SCN10A: variants seen among roughly 807,000 people sequenced by gnomAD.
SCN10A encodes the protein sodium channel protein type 10 subunit alpha.
In SCN10A, 162 loss-of-function variants were observed where a neutral mutation model predicts 170.7. The observed-to-expected ratio is 0.95, with a 90% CI of 0.84 to 1.08. The LOEUF is 1.08. SCN10A is among the 50% of genes least tolerant of loss of function. The pLI is 0.00. For synonymous variants in SCN10A, 985 were observed against 904.6 expected (o/e 1.09, Z -1.59); for missense variants, 2,527 against 2,436.9 (o/e 1.04, Z -0.78).
Position 38,755,901 on chromosome 3 carries a change from A to T in SCN10A, c.1348T>A (p.Leu450Ile). 6.2e-7 allele frequency: 1 copy of T among 1,614,188 alleles called. No homozygotes were observed. The highest frequency in any genetic ancestry group is 2.2e-5 in the East Asian group (1 of 44,882). ...CTCTCACTGGCATTTTTGGAGGTTA[A>T]AGGTGATCCATTGTGGGAGTGGAGA... ...TSLHSHNGSP[L>I]TSKNASERRH... Residue 450 changes from leucine (L) to isoleucine (I), a missense_variant, in exon 11 of 28, where the codon TTA (leucine) becomes ATA (isoleucine). Leu to Ile is a conservative substitution (Grantham distance 5). Coordinates refer to ENST00000449082, the MANE Select transcript of SCN10A (RefSeq NM_006514.4).
At position 38,698,578 on chromosome 3, in the gene SCN10A, G is replaced by A. The variant is rs758466985; in HGVS notation, c.4658-16C>T. On this transcript the variant is annotated splice_polypyrimidine_tract_variant and intron_variant, in intron 27 of 27. Transcript: ENST00000449082. ...AAAATCAGGCCTTTAAAAGAAGGAA[G>A]AAATTATCTAATTAGTATCTCCAGC... is the stretch of plus-strand genomic sequence containing the variant. The A allele has an allele frequency of 2.5e-6, 4 of 1,604,896 alleles. No individual in the cohort carries two copies. The highest frequency in any genetic ancestry group is 8.5e-7 in the Non-Finnish European group (1 of 1,172,544).
In SCN10A at chr3:38,779,736, T is replaced by C. The variant is rs576596271; in HGVS notation, c.471-8329A>G. On this transcript the variant is annotated intron_variant, in intron 4 of 27. Coordinates refer to ENST00000449082, the MANE Select transcript of SCN10A (RefSeq NM_006514.4). ...TTTATCTTTCCTTCCCTCGAAATTA[T>C]ATAATTTTAGTTTATAGTTTGTCTT... Among the ~76,000 whole-genome samples the C allele has an allele frequency of 3.9e-5, 6 of 152,170 alleles. No individual in the cohort carries two copies. The East Asian group carries it at 9.6e-4, about 24-fold the overall frequency.
chr3:38,755,662 T>G, intron 11 of SCN10A, 126 bp downstream of exon 11: 1 of 1,078,322 alleles, frequency 9.3e-7, no homozygotes, highest in Non-Finnish European at 1.4e-6. Flanking sequence ...TGGAGGGGTG[T>G]CTGGATCCTT....
intron 5 of SCN10A, among the ~76,000 whole-genome samples, chr3:38,769,279 C>T (rs1183769742): frequency 1.0e-5 from 1 of 95,976 alleles, no homozygotes; most frequent in African/African-American, 3.8e-5. Context: ...ACTCTTGTTG[C>T]CCAGGCTGGA....
intron 5 of SCN10A, among the ~76,000 whole-genome samples, chr3:38,764,896 C>T (rs1301318922): frequency 1.3e-5 from 2 of 152,068 alleles, no homozygotes; most frequent in Non-Finnish European, 2.9e-5. Context: ...TGGTTATGGC[C>T]ATTCTTGCAG....
intron 1 of SCN10A, among the ~76,000 whole-genome samples, chr3:38,801,427 A>G (rs530225636): frequency 6.6e-6 from 1 of 152,322 alleles, no homozygotes; most frequent in South Asian, 2.1e-4. Flanking sequence ...TTACTGTGAT[A>G]TAAAGATGTT....
intron 27 of SCN10A, among the ~76,000 whole-genome samples, chr3:38,700,565 GT>G (rs2063145618): frequency 6.6e-6 from 1 of 152,174 alleles, no homozygotes; most frequent in Non-Finnish European, 1.5e-5. Flanking sequence ...ATAAAGTTGT[GT>G]ACATTAAACA....
At chr3:38,720,507 G>A (rs1354842876) in intron 20 of SCN10A, among the ~76,000 whole-genome samples, 1 of 151,692 alleles carries the variant, frequency 6.6e-6, no homozygotes, top group African/African-American at 2.4e-5. Flanking sequence ...TATTTTTTTG[G>A]TACTTTACTT....
chr3:38,727,081 G>T, intron 16 of SCN10A, 29 bp from the exon 17 acceptor site: 2 of 1,582,474 alleles, frequency 1.3e-6, no homozygotes, highest in South Asian at 2.2e-5. Context: ...AGGGAAGATT[G>T]ATCAATCTCT....
At chr3:38,808,462 A>G (rs981459349) in intron 1 of SCN10A, among the ~76,000 whole-genome samples, 1 of 152,218 alleles carries the variant, frequency 6.6e-6, no homozygotes, top group Admixed American at 6.5e-5. Flanking sequence ...CCTATGTTAG[A>G]AAGTAAGCTT....
intron 23 of SCN10A, among the ~76,000 whole-genome samples, chr3:38,711,545 G>A (rs557037295): frequency 2.6e-5 from 4 of 152,180 alleles, no homozygotes; most frequent in African/African-American, 7.2e-5. Context: ...TACCATGCCT[G>A]GCATACCAGA....
intron 17 of SCN10A, among the ~76,000 whole-genome samples, chr3:38,726,237 G>T (rs1221823413): frequency 1.3e-5 from 2 of 152,188 alleles, no homozygotes; most frequent in Non-Finnish European, 2.9e-5. Context: ...GGACTTCTTA[G>T]GATGCTGGTA....
chr3:38,740,843 G>A (rs1181537254), intron 14 of SCN10A, among the ~76,000 whole-genome samples: 2 of 152,100 alleles, frequency 1.3e-5, no homozygotes, highest in African/African-American at 4.8e-5. Flanking sequence ...TCTCTCTCTT[G>A]CTTCCACTTT....
At chr3:38,780,243 T>C (rs1169886975) in intron 4 of SCN10A, among the ~76,000 whole-genome samples, 1 of 152,052 alleles carries the variant, frequency 6.6e-6, no homozygotes, top group East Asian at 1.9e-4. Context: ...TTTTGTCCTA[T>C]TTCATGCTTT....
chr3:38,777,338 A>G (rs1331338069), intron 4 of SCN10A, among the ~76,000 whole-genome samples: 4 of 152,094 alleles, frequency 2.6e-5, no homozygotes, highest in African/African-American at 9.7e-5. Flanking sequence ...ACTATATAGA[A>G]ATTAATAATA....
chr3:38,726,983 C>G lies in SCN10A; in HGVS notation c.2710G>C (p.Asp904His). 2 of 1,614,246 alleles carry G rather than the reference C, an allele frequency of 1.2e-6. No homozygotes were observed. The highest frequency in any genetic ancestry group is 1.7e-6 in the Non-Finnish European group (2 of 1,180,028). The part of the protein sequence containing the change: ...SADNLTAPED[D>H]GEVNNLQVAL... ...ACCTGCAGGTTGTTCACCTCCCCAT[C>G]GTCCTCCGGGGCTGTGAGGTTGTCA... Residue 904 changes from aspartate (D) to histidine (H), a missense_variant, in exon 17 of 28, where the codon GAT becomes CAT. By Grantham distance (81) the Asp-to-His change is moderately conservative. Transcript: ENST00000449082.
chr3:38,732,743 G>A (rs1258567313), intron 15 of SCN10A, among the ~76,000 whole-genome samples: 1 of 152,088 alleles, frequency 6.6e-6, no homozygotes, highest in African/African-American at 2.4e-5. Flanking sequence ...CTAGGGGAAG[G>A]GTTTATTAAA....
intron 3 of SCN10A, 60 bp downstream of exon 3, chr3:38,791,990 T>A: frequency 6.3e-7 from 1 of 1,594,286 alleles, no homozygotes; most frequent in Non-Finnish European, 8.5e-7. Flanking sequence ...AAGAAGGTAC[T>A]GGACACAGTA....
At chr3:38,715,540 T>C (rs1205290570) in intron 21 of SCN10A, among the ~76,000 whole-genome samples, 2 of 152,216 alleles carry the variant, frequency 1.3e-5, no homozygotes, top group African/African-American at 4.8e-5. Context: ...AATCAAATTG[T>C]TCCCTGAGCA....
Sources: gnomAD v4.1 joint callset for allele counts (sites outside exome capture counted in the v4.1 genomes callset) on GRCh38, gnomAD v4.1.1 for gene constraint, MANE v1.5 for transcripts, NCBI Gene and HGNC (gene_info 2026-07-23, HGNC 2026-07-21) for gene names.